PTPRN2: variants seen among roughly 807,000 people sequenced by gnomAD.
PTPRN2 encodes protein tyrosine phosphatase receptor type N2, also known as receptor-type tyrosine-protein phosphatase N2.
Under a neutral mutation model 118.8 loss-of-function variants are expected in PTPRN2, and 74 were observed. The ratio of observed to expected loss-of-function variants is 0.62; its 90% CI spans 0.52 to 0.76. The LOEUF is 0.76. PTPRN2 is among the 30% of genes least tolerant of loss of function. The probability of loss-of-function intolerance (pLI) is 0.00; values close to 1 mark genes in which losing one functional copy is unlikely to be tolerated. For missense variants in PTPRN2, 1,481 were observed against 1,394.4 expected, an observed-to-expected ratio of 1.06 and a Z score of -0.99; for synonymous variants, 641 against 608.0, an observed-to-expected ratio of 1.05 and a Z score of -0.80.
At chr7:158,047,567 G>C (rs1357967544) in intron 11 of PTPRN2, among the ~76,000 whole-genome samples, 1 of 152,002 alleles carries the variant, frequency 6.6e-6, no homozygotes, top group East Asian at 1.9e-4. Flanking sequence ...CTGAGTGTGT[G>C]AGGCCTGCCT....
Position 157,964,159 on chromosome 7 carries a change from G to A in PTPRN2, c.1724-65422C>T, listed in dbSNP as rs559085871. Among the ~76,000 whole-genome samples, 23 of 152,264 alleles carry A rather than the reference G, an allele frequency of 1.5e-4. No homozygotes were observed. Among genetic ancestry groups the A allele is most frequent in the Non-Finnish European group, 2.5e-4 (17 of 68,022 alleles). ...CCCCCGTTCCCACTGGCACACCATG[G>A]GGACAGCTGGGTGGGGTAGTGTTGA... is the stretch of plus-strand genomic sequence containing the variant. On this transcript the variant is annotated intron_variant, in intron 11 of 22. Transcript: ENST00000389418. This position sits in a 1 kb window ranked among gnomAD's most constrained non-coding sequence, Gnocchi z 9.0.
intron 12 of PTPRN2, among the ~76,000 whole-genome samples, chr7:157,734,365 C>T (rs1353288967): frequency 1.3e-5 from 2 of 152,226 alleles, no homozygotes; most frequent in African/African-American, 4.8e-5. Context: ...CCAGCACAGT[C>T]ATAGGCTTCC....
chr7:158,042,421 G>A (rs541953737), intron 11 of PTPRN2, among the ~76,000 whole-genome samples: 1 of 152,236 alleles, frequency 6.6e-6, no homozygotes, highest in South Asian at 2.1e-4. Context: ...CACAGGGTAG[G>A]ATCCACGTCA....
intron 11 of PTPRN2, among the ~76,000 whole-genome samples, chr7:157,940,877 C>T (rs548494567): frequency 1.7e-5 from 1 of 59,322 alleles, no homozygotes; most frequent in Admixed American, 2.0e-4. Flanking sequence ...GCAAATCTAA[C>T]GCCCCCCCAT....
rs1470430650 is a variant in PTPRN2, at chr7:158,060,094, C to T, written c.1723+21204G>A. ...ACTGCAGCCACACTCCATCTGCCCA[C>T]GGTGACACATCACTGCAGCCACACT... On this transcript the variant is annotated intron_variant, in intron 11 of 22. Coordinates refer to ENST00000389418, the MANE Select transcript of PTPRN2 (RefSeq NM_002847.5). 4.2e-5 allele frequency among the ~76,000 whole-genome samples: 5 copies of T among 120,280 alleles called. No individual in the cohort carries two copies. In the East Asian group the frequency reaches 7.3e-4, roughly 18 times the overall value. 78.9% of individuals were successfully genotyped at this position (120,280 alleles called of 152,430 possible).
At chr7:158,139,352 G>GTT (rs1819152461) in intron 6 of PTPRN2, among the ~76,000 whole-genome samples, 1 of 152,082 alleles carries the variant, frequency 6.6e-6, no homozygotes, top group African/African-American at 2.4e-5. Flanking sequence ...GTCCATTACG[G>GTT]GTGGACATAA....
intron 1 of PTPRN2, among the ~76,000 whole-genome samples, chr7:158,493,804 T>C (rs1821623260): frequency 8.0e-6 from 1 of 125,554 alleles, no homozygotes; most frequent in Non-Finnish European, 1.7e-5. Flanking sequence ...CACTCATGCC[T>C]GCACACATAC....
intron 13 of PTPRN2, among the ~76,000 whole-genome samples, chr7:157,675,885 C>T (rs938102106): frequency 3.3e-5 from 5 of 152,180 alleles, no homozygotes; most frequent in African/African-American, 1.2e-4. Flanking sequence ...AGGGCAATGG[C>T]ACCTTTCTTC....
chr7:158,538,970 C>A (rs905887832), intron 1 of PTPRN2, among the ~76,000 whole-genome samples: 8 of 152,252 alleles, frequency 5.3e-5, no homozygotes, highest in African/African-American at 1.9e-4. Flanking sequence ...CAGCACGAAC[C>A]CCCCAGGGCT....
chr7:158,329,826 T>G (rs1209416270), intron 2 of PTPRN2, among the ~76,000 whole-genome samples: 3 of 152,140 alleles, frequency 2.0e-5, no homozygotes, highest in Non-Finnish European at 4.4e-5. Context: ...CGAGGCTGTG[T>G]CCTCTACGGA....
At chr7:158,209,918 A>G (rs570942089) in intron 3 of PTPRN2, among the ~76,000 whole-genome samples, 7 of 152,338 alleles carry the variant, frequency 4.6e-5, no homozygotes, top group Admixed American at 3.9e-4. Flanking sequence ...ATACAAACAC[A>G]TGGAAATTAA....
At chr7:157,621,552 G>T (rs370632419) in intron 14 of PTPRN2, 43 bp from the exon 15 acceptor site, 1 of 1,600,840 alleles carries the variant, frequency 6.2e-7, no homozygotes, top group African/African-American at 1.3e-5. Flanking sequence ...TAGGTGGTGA[G>T]CCCAGACCGG....
At chr7:158,208,138 A>T (rs1365376653) in intron 3 of PTPRN2, among the ~76,000 whole-genome samples, 1 of 152,186 alleles carries the variant, frequency 6.6e-6, no homozygotes, top group Non-Finnish European at 1.5e-5. Flanking sequence ...AATGAAGCAC[A>T]CCTGCATGAT....
chr7:157,760,084 C>A (rs55915437), intron 12 of PTPRN2, among the ~76,000 whole-genome samples: 3,545 of 152,312 alleles, frequency 0.023, 75 homozygotes, highest in African/African-American at 0.052. Flanking sequence ...GTCCCCCCAA[C>A]GCCATATCGG....
chr7:158,274,761 C>T (rs778702358), intron 3 of PTPRN2, among the ~76,000 whole-genome samples: 4 of 152,144 alleles, frequency 2.6e-5, no homozygotes, highest in Admixed American at 6.5e-5. Flanking sequence ...CCAGGAATCA[C>T]GCTGTGGCCA....
intron 13 of PTPRN2, among the ~76,000 whole-genome samples, chr7:157,662,730 G>A (rs1795952730): frequency 6.6e-6 from 1 of 152,212 alleles, no homozygotes; most frequent in Admixed American, 6.5e-5. Context: ...ACAGCCTCCT[G>A]GGTGGGCAGT....
In PTPRN2 at chr7:158,049,763, C is replaced by T. The variant is rs150637580; in HGVS notation, c.1723+31535G>A. Among the ~76,000 whole-genome samples, 1,454 of 152,210 alleles carry T rather than the reference C, an allele frequency of 9.6e-3. 20 individuals carry two copies. Among genetic ancestry groups the T allele is most frequent in the African/African-American group, 0.034 (1,398 of 41,532 alleles). On this transcript the variant is annotated intron_variant, in intron 11 of 22. Coordinates refer to ENST00000389418, the MANE Select transcript of PTPRN2 (RefSeq NM_002847.5). ...TAAAAATTACAAAAAATGAGCCAGG[C>T]GTGGTGGCGGGCACCTATAATCCCA...
intron 2 of PTPRN2, among the ~76,000 whole-genome samples, chr7:158,351,388 A>G (rs1418221670): frequency 3.3e-5 from 5 of 152,148 alleles, no homozygotes; most frequent in Admixed American, 6.5e-5. Flanking sequence ...GGCACAGTCT[A>G]AGCCCAGGGC....
intron 11 of PTPRN2, among the ~76,000 whole-genome samples, chr7:157,992,092 C>G (rs1023965140): frequency 2.4e-4 from 36 of 152,326 alleles, no homozygotes; most frequent in African/African-American, 8.4e-4. Context: ...TCCCCATGTG[C>G]CACCCGAGCT....
Sources: allele counts gnomAD v4.1 joint callset (sites outside exome capture counted in the v4.1 genomes callset), GRCh38; gene constraint gnomAD v4.1.1; non-coding constraint Gnocchi (gnomAD v3.1); transcripts MANE v1.5; gene names NCBI Gene and HGNC (gene_info 2026-07-23, HGNC 2026-07-21).